Variants in SLC25A48 observed in about 807,000 individuals in gnomAD.
SLC25A48 encodes the protein solute carrier family 25 member 48.
SLC25A48 carries 29 observed loss-of-function variants against 32.2 expected under a neutral mutation model. That is an observed-to-expected ratio of 0.90 (90% confidence interval 0.67 to 1.23). SLC25A48 has a LOEUF of 1.23. Ranked by LOEUF, SLC25A48 falls within the 50% of genes most tolerant of loss-of-function variation. The probability of loss-of-function intolerance (pLI) is 0.00; values close to 1 mark genes in which losing one functional copy is unlikely to be tolerated. For synonymous variants in SLC25A48, 164 were observed against 172.3 expected (o/e 0.95, Z 0.38); for missense variants, 399 against 422.7 (o/e 0.94, Z 0.49).
At chr5:135,829,782 C>A (rs932620362), upstream of SLC25A48, among the ~76,000 whole-genome samples, 1 of 151,832 alleles carries the variant, frequency 6.6e-6, no homozygotes, top group Admixed American at 6.6e-5. Flanking sequence ...TAGCATGGAC[C>A]CTGGAGTCAA....
intron 1 of SLC25A48, among the ~76,000 whole-genome samples, chr5:135,590,707 G>A (rs1227252121): frequency 2.6e-5 from 4 of 152,122 alleles, no homozygotes; most frequent in East Asian, 3.9e-4. Flanking sequence ...TGGGGGTTAC[G>A]CTGTTCCCTG....
chr5:135,834,190 T>C (rs1758319052), upstream of SLC25A48, among the ~76,000 whole-genome samples: 1 of 152,184 alleles, frequency 6.6e-6, no homozygotes, highest in Non-Finnish European at 1.5e-5. Flanking sequence ...CACCTCTGCC[T>C]TCTGTTGGCC....
chr5:135,712,350 T>TGGAA (rs1754687032), intron 3 of SLC25A48, among the ~76,000 whole-genome samples: 1 of 152,342 alleles, frequency 6.6e-6, no homozygotes, highest in African/African-American at 2.4e-5. Context: ...AGTATGTCTC[T>TGGAA]GAGTTTTCTG....
chr5:135,661,770 A>G (rs951755319), intron 3 of SLC25A48, among the ~76,000 whole-genome samples: 1 of 152,178 alleles, frequency 6.6e-6, no homozygotes, highest in African/African-American at 2.4e-5. Context: ...CTCACTTCAG[A>G]ATAAATCCTG....
intron 3 of SLC25A48, among the ~76,000 whole-genome samples, chr5:135,659,949 C>T (rs1876622): frequency 0.015 from 2,332 of 152,324 alleles, 31 homozygotes; most frequent in Non-Finnish European, 0.021. Context: ...TCGGGAATTA[C>T]AGTTCAACAT....
chr5:135,831,894 C>G (rs146841637), upstream of SLC25A48, among the ~76,000 whole-genome samples: 83 of 152,300 alleles, frequency 5.4e-4, no homozygotes, highest in Non-Finnish European at 1.0e-3. Context: ...CCAGGCAGGG[C>G]AGTGGCACAG....
intron 4 of SLC25A48, among the ~76,000 whole-genome samples, chr5:135,870,881 ATTAT>A (rs1163012989): frequency 6.6e-6 from 1 of 151,304 alleles, no homozygotes; most frequent in African/African-American, 2.4e-5. Flanking sequence ...TTTTAATAAA[ATTAT>A]TTATTTTATT....
At chr5:135,621,577 A>C (rs1053308268) in intron 1 of SLC25A48, among the ~76,000 whole-genome samples, 5 of 152,204 alleles carry the variant, frequency 3.3e-5, no homozygotes, top group African/African-American at 1.2e-4. Flanking sequence ...GAATAGAATA[A>C]AGCTTAAGAA....
At chr5:135,799,722 G>A (rs1275177218) in intron 3 of SLC25A48, among the ~76,000 whole-genome samples, 2 of 151,534 alleles carry the variant, frequency 1.3e-5, no homozygotes, top group Non-Finnish European at 2.9e-5. Context: ...CCTAATATCC[G>A]CTGCAGAGAG....
intron 3 of SLC25A48, among the ~76,000 whole-genome samples, chr5:135,679,636 G>A (rs1753846948): frequency 6.6e-6 from 1 of 152,230 alleles, no homozygotes. Flanking sequence ...TGCTGCTGGG[G>A]CCAGTGAGGT....
At chr5:135,880,911 G>A (rs755438259) in intron 7 of SLC25A48, among the ~76,000 whole-genome samples, 23 of 152,076 alleles carry the variant, frequency 1.5e-4, no homozygotes, top group Non-Finnish European at 3.1e-4. Flanking sequence ...CTCAGCTAGG[G>A]TGAGTCGCGC....
chr5:135,763,782 C>CACACACA lies in SLC25A48; in HGVS notation c.-520-48740_-520-48734dup, dbSNP rs1255690905. Among the ~76,000 whole-genome samples, 5 of 148,500 alleles carry CACACACA rather than the reference C, an allele frequency of 3.4e-5. No individual in the cohort carries two copies. The Admixed American group carries it at 3.4e-4, about 10-fold the overall frequency. The stretch of plus-strand genomic sequence containing the variant: ...ACACACATACACACACACACACACA[C>CACACACA]ACACACACGAGAGAGAGACAGAGAA... On this transcript the variant is annotated intron_variant, in intron 3 of 10. Transcript: ENST00000646290.
chr5:135,792,642 T>A (rs1224114302), intron 3 of SLC25A48, among the ~76,000 whole-genome samples: 1 of 151,724 alleles, frequency 6.6e-6, no homozygotes, highest in Non-Finnish European at 1.5e-5. Context: ...ATTCGTAACA[T>A]CCCCGGGAGA....
intron 1 of SLC25A48, among the ~76,000 whole-genome samples, chr5:135,602,088 T>G (rs935298941): frequency 2.6e-5 from 4 of 152,170 alleles, no homozygotes; most frequent in Non-Finnish European, 5.9e-5. Flanking sequence ...TAATTTTTTG[T>G]AAATAATGTG....
chr5:135,840,526 C>T (rs1382941640), intron 1 of SLC25A48, among the ~76,000 whole-genome samples: 1 of 152,204 alleles, frequency 6.6e-6, no homozygotes, highest in African/African-American at 2.4e-5. Context: ...AAACATTTTT[C>T]TCATGACCAA....
chr5:135,765,278 TTG>T (rs1756180829), intron 3 of SLC25A48, among the ~76,000 whole-genome samples: 1 of 151,770 alleles, frequency 6.6e-6, no homozygotes, highest in East Asian at 2.0e-4. Context: ...GTGATATGAT[TTG>T]TGATATTCAG....
At chr5:135,877,683 T>A (rs1277563684) in intron 6 of SLC25A48, among the ~76,000 whole-genome samples, 1 of 152,220 alleles carries the variant, frequency 6.6e-6, no homozygotes, top group East Asian at 1.9e-4. Context: ...GCCCTGATTG[T>A]GATTGCTAAT....
intron 1 of SLC25A48, among the ~76,000 whole-genome samples, chr5:135,840,069 C>A (rs1235896266): frequency 6.6e-6 from 1 of 152,172 alleles, no homozygotes; most frequent in African/African-American, 2.4e-5. Flanking sequence ...GGCCTTAGGG[C>A]AGCCTTGGTT....
chr5:135,744,299 G>C (rs1580834296), intron 3 of SLC25A48, among the ~76,000 whole-genome samples: 1 of 152,030 alleles, frequency 6.6e-6, no homozygotes, highest in Non-Finnish European at 1.5e-5. Context: ...ACCTCCACTG[G>C]TAGAGATGGT....
Sources: gnomAD v4.1 joint callset for allele counts (sites outside exome capture counted in the v4.1 genomes callset) on GRCh38, gnomAD v4.1.1 for gene constraint, MANE v1.5 for transcripts, NCBI Gene and HGNC (gene_info 2026-07-23, HGNC 2026-07-21) for gene names.